RREB1: variants seen among roughly 807,000 people sequenced by gnomAD.
RREB1 encodes ras-responsive element-binding protein 1.
A neutral mutation model predicts 117.8 loss-of-function variants in RREB1; 27 were observed. The observed-to-expected ratio is 0.23, with a 90% confidence interval of 0.17 to 0.32. RREB1 has a LOEUF of 0.32. RREB1 is among the 10% of genes least tolerant of loss of function. The pLI is 1.00. For synonymous variants in RREB1, 1,298 were observed against 1,026.7 expected, an observed-to-expected ratio of 1.26 and a Z score of -5.05; for missense variants, 2,577 against 2,378.2, an observed-to-expected ratio of 1.08 and a Z score of -1.74.
At chr6:7,206,430 ATTCC>A (rs1766277972) in intron 6 of RREB1, among the ~76,000 whole-genome samples, 4 of 152,164 alleles carry the variant, frequency 2.6e-5, no homozygotes, top group Admixed American at 2.6e-4. Flanking sequence ...CATATACTTC[ATTCC>A]TTCCTTCCTT....
intron 1 of RREB1, among the ~76,000 whole-genome samples, chr6:7,169,081 G>A (rs1009735063): frequency 2.0e-5 from 3 of 151,328 alleles, no homozygotes; most frequent in African/African-American, 7.2e-5. Flanking sequence ...ACTCTGACTT[G>A]AATCCTGTTT....
In RREB1 at chr6:7,230,336, A is replaced by G. The variant is rs1186850765; in HGVS notation, c.2237A>G (p.Asp746Gly). 1.2e-5 allele frequency: 19 copies of G among 1,589,762 alleles called. No homozygotes were observed. Among genetic ancestry groups the G allele is most frequent in the Non-Finnish European group, 1.5e-5 (18 of 1,173,004 alleles). Residue 746 changes from aspartate to glycine, a missense_variant, in exon 10 of 13, where the codon GAC becomes GGC. Physicochemically the swap from Asp to Gly is moderately conservative, Grantham distance 94. Transcript: ENST00000379938. ...YVSSSAAELVDAFCAPDTVCR... is the reference protein window; with the variant it reads ...YVSSSAAELVGAFCAPDTVCR... ...AGTAGCAGCGCGGCCGAGCTGGTGGACGCCTTCTGCGCCCCGGACACCGTG... is the reference window on the plus strand; with the variant it reads ...AGTAGCAGCGCGGCCGAGCTGGTGGGCGCCTTCTGCGCCCCGGACACCGTG...
At chr6:7,156,271 ATGGT>A (rs1359846072) in intron 1 of RREB1, among the ~76,000 whole-genome samples, 3 of 152,238 alleles carry the variant, frequency 2.0e-5, no homozygotes, top group African/African-American at 7.2e-5. Flanking sequence ...ATCACTTTAA[ATGGT>A]TTAATTTGCT....
chr6:7,155,450 A>G (rs1297741989), intron 1 of RREB1, among the ~76,000 whole-genome samples: 2 of 152,210 alleles, frequency 1.3e-5, no homozygotes, highest in African/African-American at 2.4e-5. Context: ...GGCTGGGATT[A>G]TAGGCCTGTG....
At chr6:7,183,096 A>G (rs888402220) in intron 4 of RREB1, 4 of 152,158 alleles carry the variant, frequency 2.6e-5, no homozygotes, top group African/African-American at 9.7e-5. Context: ...CCAGCCCCAA[A>G]CCCTGCCAGC....
chr6:7,204,762 T>G (rs1766174053), intron 6 of RREB1, among the ~76,000 whole-genome samples: 1 of 152,190 alleles, frequency 6.6e-6, no homozygotes. Flanking sequence ...AAATTGAGAC[T>G]GAAAAGTTAG....
chr6:7,127,178 G>A (rs768351937), intron 1 of RREB1, among the ~76,000 whole-genome samples: 5 of 152,102 alleles, frequency 3.3e-5, no homozygotes, highest in Admixed American at 6.6e-5. Flanking sequence ...AAAAATGGAC[G>A]GGGGCTCGGT....
At chr6:7,191,488 A>C (rs755556827) in intron 6 of RREB1, among the ~76,000 whole-genome samples, 1 of 152,154 alleles carries the variant, frequency 6.6e-6, no homozygotes, top group Non-Finnish European at 1.5e-5. Flanking sequence ...GACACTTAGG[A>C]ATGGAATTGC....
chr6:7,247,233 A>AGGCCAGGTCCCCGGCCC lies in RREB1; in HGVS notation c.4771+13_4771+29dup, dbSNP rs769571013. ...GCGCTCCCACACAGGTAACCAGGGC[A>AGGCCAGGTCCCCGGCCC]GGCCAGGTCCCCGGCCCAACAAGAG... is the stretch of plus-strand genomic sequence containing the variant. On this transcript the variant is annotated intron_variant, in intron 12 of 12. Transcript: ENST00000379938. The AGGCCAGGTCCCCGGCCC allele has an allele frequency of 6.2e-7, 1 of 1,604,426 alleles. No individual in the cohort carries two copies. Among genetic ancestry groups the AGGCCAGGTCCCCGGCCC allele is most frequent in the African/African-American group, 1.3e-5 (1 of 74,538 alleles).
At chr6:7,160,122 ATTT>A (rs11415104) in intron 1 of RREB1, among the ~76,000 whole-genome samples, 1 of 146,586 alleles carries the variant, frequency 6.8e-6, no homozygotes. Flanking sequence ...TCTTTTTTGC[ATTT>A]TTTTTTTTTA....
At position 7,229,551 on chromosome 6, in the gene RREB1, C is replaced by A. The variant is rs1767786599; in HGVS notation, c.1452C>A (p.Ile484=). Residue 484 remains isoleucine (I), a synonymous_variant, in exon 10 of 13, where the codon ATC becomes ATA. Coordinates refer to ENST00000379938, the MANE Select transcript of RREB1 (RefSeq NM_001003699.4). This position sits in a 1 kb window ranked among gnomAD's most constrained non-coding sequence, Gnocchi z 4.5. ...TGGCAGCCTCGGCTCCCCCTCAGAT[C>A]AGTCTTCCGCCCTTCTCCAAGGCCC... The part of the protein sequence containing the change: ...LKMAASAPPQ[I]SLPPFSKAPA... 6.2e-7 allele frequency: 1 copy of A among 1,613,894 alleles called. No individual in the cohort carries two copies. The highest frequency in any genetic ancestry group is 8.5e-7 in the Non-Finnish European group (1 of 1,179,934).
At chr6:7,215,332 G>A (rs9505083) in intron 8 of RREB1, 80,178 of 151,762 alleles carry the variant, frequency 0.53, 22,327 homozygotes, top group East Asian at 0.79. Flanking sequence ...TCTAGTAGCC[G>A]TTTTTTATTT....
intron 1 of RREB1, among the ~76,000 whole-genome samples, chr6:7,174,151 C>CT (rs59106767): frequency 0.012 from 1,521 of 131,032 alleles, 15 homozygotes; most frequent in African/African-American, 0.026. Flanking sequence ...CTAGTCTTTC[C>CT]TTTTTTTTTT....
At chr6:7,240,652 T>C (rs2113166546) in intron 11 of RREB1, 50 bp downstream of exon 11, 1 of 1,554,800 alleles carries the variant, frequency 6.4e-7, no homozygotes, top group Non-Finnish European at 8.8e-7. Context: ...AGAGAGGAGT[T>C]CGGTTAAGAA....
In RREB1 at chr6:7,251,209, C is replaced by G. The variant is rs1351698224; in HGVS notation, c.*2241C>G. On this transcript the variant is annotated 3_prime_UTR_variant, in exon 13 of 13. Coordinates refer to ENST00000379938, the MANE Select transcript of RREB1 (RefSeq NM_001003699.4). ...ATTTAAAGCTTTACTTAGCCTTGAT[C>G]TGTACCCTCGTAGTCAATAAGGTCT... The G allele has an allele frequency of 6.6e-6, 1 of 152,146 alleles. No individual in the cohort carries two copies. The highest frequency in any genetic ancestry group is 1.5e-5 in the Non-Finnish European group (1 of 68,028). The allele number at this position is 152,146 out of a possible 1,614,324, so 9.4% of individuals were successfully genotyped here. A position where few individuals can be genotyped will look rare whatever the true frequency, so the allele number is the denominator to read the frequency against.
intron 6 of RREB1, among the ~76,000 whole-genome samples, chr6:7,195,833 C>T (rs1237915529): frequency 1.3e-5 from 2 of 152,226 alleles, no homozygotes; most frequent in African/African-American, 4.8e-5. Flanking sequence ...GTTTGAGGCC[C>T]TCCCTCAACT....
intron 4 of RREB1, among the ~76,000 whole-genome samples, chr6:7,184,184 C>A (rs1197990724): frequency 1.3e-5 from 2 of 151,778 alleles, no homozygotes; most frequent in African/African-American, 4.8e-5. Flanking sequence ...CCTCCATGTC[C>A]TATAAAAAAC....
intron 4 of RREB1, among the ~76,000 whole-genome samples, chr6:7,182,391 T>C (rs1437897480): frequency 6.6e-6 from 1 of 152,240 alleles, no homozygotes; most frequent in Non-Finnish European, 1.5e-5. Flanking sequence ...ATTTCTGTGA[T>C]GTGGTTTGTT....
At chr6:7,141,077 G>A (rs1177229635) in intron 1 of RREB1, among the ~76,000 whole-genome samples, 1 of 152,214 alleles carries the variant, frequency 6.6e-6, no homozygotes, top group Non-Finnish European at 1.5e-5. Flanking sequence ...CCCTCCTCAG[G>A]CTGGGACCGG....
Sources: gnomAD v4.1 joint callset for allele counts (sites outside exome capture counted in the v4.1 genomes callset) on GRCh38, gnomAD v4.1.1 for gene constraint, Gnocchi (gnomAD v3.1) non-coding constraint, MANE v1.5 for transcripts, NCBI Gene and HGNC (gene_info 2026-07-23, HGNC 2026-07-21) for gene names.